ELK4: variants seen among roughly 807,000 people sequenced by gnomAD.
The protein encoded by ELK4 is ETS domain-containing protein Elk-4.
ELK4 carries 16 observed loss-of-function variants against 29.6 expected under a neutral mutation model. The observed-to-expected ratio is 0.54, with a 90% CI of 0.37 to 0.82. The LOEUF is 0.82. Among genes scored for constraint, ELK4 ranks in the 40% least tolerant of loss-of-function variants. The pLI, the probability that ELK4 is intolerant of heterozygous loss-of-function variation, is 0.00. For missense variants in ELK4, 465 were observed against 507.1 expected, an observed-to-expected ratio of 0.92 and a Z score of 0.80; for synonymous variants, 213 against 191.1, an observed-to-expected ratio of 1.11 and a Z score of -0.95.
Position 205,615,270 on chromosome 1 carries a change from A to G in ELK4, c.*1276T>C, listed in dbSNP as rs140299092. 0.057 allele frequency: 9,264 copies of G among 162,312 alleles called. 353 individuals carry two copies. Among genetic ancestry groups the G allele is most frequent in the Non-Finnish European group, 0.084 (6,214 of 74,022 alleles). 10.1% of individuals were successfully genotyped at this position (162,312 alleles called of 1,614,324 possible). A position where few individuals can be genotyped will look rare whatever the true frequency, so the allele number is the denominator to read the frequency against. ...GCCAGGCGTAGTGGCGCATGCCTGT[A>G]GTCCCAGCTACTCAGGAGGCTGAGG... On this transcript the variant is annotated 3_prime_UTR_variant, in exon 5 of 5. Coordinates refer to ENST00000357992, the MANE Select transcript of ELK4 (RefSeq NM_001973.4).
At chr1:205,617,077 T>C (rs931966207) in intron 4 of ELK4, among the ~76,000 whole-genome samples, 1 of 152,198 alleles carries the variant, frequency 6.6e-6, no homozygotes, top group Non-Finnish European at 1.5e-5. Context: ...GGGTTCCCCA[T>C]CAAGTATTCT....
chr1:205,610,240 C>T lies in ELK4; in HGVS notation c.*6306G>A, dbSNP rs1670132439. 4.3e-6 allele frequency: 1 copy of T among 231,714 alleles called. No homozygotes were observed. Among genetic ancestry groups the T allele is most frequent in the South Asian group, 1.8e-4 (1 of 5,520 alleles). 14.4% of individuals were successfully genotyped at this position (231,714 alleles called of 1,614,324 possible). ...TCACAATCCTTGGAAGGGAAAAGAA[C>T]CAGAAGGAGCCTTTATGAGATGGGA... On this transcript the variant is annotated 3_prime_UTR_variant, in exon 5 of 5. Coordinates refer to ENST00000357992, the MANE Select transcript of ELK4 (RefSeq NM_001973.4).
At position 205,609,434 on chromosome 1, in the gene ELK4, T is replaced by G. The variant is rs1170384889; in HGVS notation, c.*7112A>C. 1 of 192,868 alleles carries G rather than the reference T, an allele frequency of 5.2e-6. No individual in the cohort carries two copies. Among genetic ancestry groups the G allele is most frequent in the African/African-American group, 2.3e-5 (1 of 43,142 alleles). The allele number at this position is 192,868 out of a possible 1,614,324, so 11.9% of individuals were successfully genotyped here. A position where few individuals can be genotyped will look rare whatever the true frequency, so the allele number is the denominator to read the frequency against. On this transcript the variant is annotated 3_prime_UTR_variant, in exon 5 of 5. Coordinates refer to ENST00000357992, the MANE Select transcript of ELK4 (RefSeq NM_001973.4). The stretch of plus-strand genomic sequence containing the variant: ...AAAAATAAAGAAATATAATTGTGAT[T>G]AGAAAAGATCCAGGGCCAAAACAAA...
At chr1:205,631,585 G>A (rs1466429484) in intron 1 of ELK4, 47 bp downstream of exon 1, 1 of 182,720 alleles carries the variant, frequency 5.5e-6, no homozygotes, top group Non-Finnish European at 1.1e-5. Flanking sequence ...GGCCGGTGGG[G>A]CTGTGGCCGC....
intron 3 of ELK4, 174 bp from the exon 4 acceptor site, chr1:205,619,247 G>A (rs1670286201): frequency 9.4e-7 from 1 of 1,059,272 alleles, no homozygotes; most frequent in Non-Finnish European, 1.2e-6. Context: ...AACTAAGAGG[G>A]ATAAAGGTGA....
At chr1:205,618,019 G>A (rs28629959) in intron 4 of ELK4, among the ~76,000 whole-genome samples, 12 of 151,466 alleles carry the variant, frequency 7.9e-5, no homozygotes, top group South Asian at 4.2e-4. Flanking sequence ...GAGAGAGAGT[G>A]TGTGTGTGTG....
rs116507431 is a variant in ELK4, at chr1:205,618,546, G to A, written c.1197+411C>T. Among the ~76,000 whole-genome samples, 1,108 of 152,294 alleles carry A rather than the reference G, an allele frequency of 7.3e-3. 22 individuals carry two copies. Among genetic ancestry groups the A allele is most frequent in the African/African-American group, 0.025 (1,045 of 41,566 alleles). ...AAATCTAAAGAATATTCATTGGGCA[G>A]GGCACAATGGCTCATGCCTGTAATC... On this transcript the variant is annotated intron_variant, in intron 4 of 4. Coordinates refer to ENST00000357992, the MANE Select transcript of ELK4 (RefSeq NM_001973.4).
Position 205,620,718 on chromosome 1 carries a change from A to C in ELK4, c.328T>G (p.Phe110Val). 1 of 1,614,070 alleles carries C rather than the reference A, an allele frequency of 6.2e-7. No individual in the cohort carries two copies. Among genetic ancestry groups the C allele is most frequent in the Non-Finnish European group, 8.5e-7 (1 of 1,180,016 alleles). The change falls in exon 3 of 5, where the codon TTC (phenylalanine) becomes GTC (valine). Residue 110 changes from phenylalanine (F) to valine (V), a missense_variant. Transcript: ENST00000357992. ...TTGGAACTGCTGCTGACTTCACTGAAGTTTAAACTTTCACAGTCACCCTCA... is the reference window on the plus strand; with the variant it reads ...TTGGAACTGCTGCTGACTTCACTGACGTTTAAACTTTCACAGTCACCCTCA... ...RIEGDCESLNFSEVSSSSKDV... is the reference protein window; with the variant it reads ...RIEGDCESLNVSEVSSSSKDV...
rs1571499001 is a variant in ELK4, at chr1:205,620,245, T to G, written c.801A>C (p.Thr267=). The stretch of plus-strand genomic sequence containing the variant: ...GGTGAGAACTCAGTGGTGGTGAAGG[T>G]GTTCTGGGAGGTTCCTGCAAAGGGG... ...SIPPLQEPPR[T]PSPPLSSHPD... Residue 267 remains threonine, a synonymous_variant, in exon 3 of 5, where the codon ACA becomes ACC. Transcript: ENST00000357992. The G allele has an allele frequency of 1.9e-6, 3 of 1,614,060 alleles. No individual in the cohort carries two copies. The East Asian group carries it at 6.7e-5, about 36-fold the overall frequency.
At chr1:205,619,329 T>C (rs947883592) in intron 3 of ELK4, 13 of 1,071,390 alleles carry the variant, frequency 1.2e-5, no homozygotes, top group East Asian at 5.1e-5. Flanking sequence ...TTTGGTTACA[T>C]GGATGAGTTC....
chr1:205,622,537 T>G (rs957254904), intron 2 of ELK4, among the ~76,000 whole-genome samples: 3 of 151,952 alleles, frequency 2.0e-5, no homozygotes, highest in Admixed American at 6.5e-5. Context: ...GGACTACAGG[T>G]GTACACCACC....
intron 2 of ELK4, 148 bp from the exon 3 acceptor site, chr1:205,620,986 G>T: frequency 1.1e-6 from 1 of 900,706 alleles, no homozygotes; most frequent in South Asian, 1.8e-5. Context: ...CACGAGGTCA[G>T]GAGATTGAGA....
rs894846823 is a variant in ELK4, at chr1:205,631,949, C to T, written c.-327G>A. On this transcript the variant is annotated 5_prime_UTR_variant, in exon 1 of 5. Coordinates refer to ENST00000357992, the MANE Select transcript of ELK4 (RefSeq NM_001973.4). The stretch of plus-strand genomic sequence containing the variant: ...CCTTGCAGCGGCGGGGCCTGCCAGG[C>T]CCTCCGCGGCCGCCGCCACTCTCAA... 4.6e-5 allele frequency: 7 copies of T among 150,550 alleles called. No homozygotes were observed. The highest frequency in any genetic ancestry group is 2.1e-4 in the South Asian group (1 of 4,810). 9.3% of individuals were successfully genotyped at this position (150,550 alleles called of 1,614,324 possible). A position where few individuals can be genotyped will look rare whatever the true frequency, so the allele number is the denominator to read the frequency against.
intron 4 of ELK4, among the ~76,000 whole-genome samples, chr1:205,618,053 T>G (rs1035629559): frequency 6.6e-6 from 1 of 151,722 alleles, no homozygotes; most frequent in Non-Finnish European, 1.5e-5. Context: ...TGAGACAAGG[T>G]CTCACTGTGT....
rs1182736778 is a variant in ELK4 at position 205,623,683 on chromosome 1, T to C, written c.200A>G (p.Tyr67Cys). ...DKLSRALRYYYVKNIIKKVNG... is the reference protein window; with the variant it reads ...DKLSRALRYYCVKNIIKKVNG... Reference sequence around the variant, plus strand: ...GATCAGGATGTGTACTACCTTTACATAATAGTATCTGAGGGCTCGGCTGAG... The same window carrying C: ...GATCAGGATGTGTACTACCTTTACACAATAGTATCTGAGGGCTCGGCTGAG... The change falls in exon 2 of 5, where the codon TAT becomes TGT. Residue 67 changes from tyrosine (Y) to cysteine (C), a missense_variant. This residue lies in a region of ELK4 where 385 missense variants were observed against 387.5 expected (regional missense o/e 0.99). Transcript: ENST00000357992. 1.2e-6 allele frequency: 2 copies of C among 1,614,090 alleles called. No homozygotes were observed. Among genetic ancestry groups the C allele is most frequent in the Non-Finnish European group, 1.7e-6 (2 of 1,180,004 alleles).
intron 2 of ELK4, 99 bp downstream of exon 2, chr1:205,623,577 A>G: frequency 7.3e-7 from 1 of 1,371,016 alleles, no homozygotes; most frequent in South Asian, 1.3e-5. Flanking sequence ...GGCCTCCCAA[A>G]GTGCTGGGAT....
At position 205,619,757 on chromosome 1, in the gene ELK4, G is replaced by C. The variant is rs1670297563; in HGVS notation, c.1080+209C>G. 5 of 1,499,566 alleles carry C rather than the reference G, an allele frequency of 3.3e-6. No homozygotes were observed. The South Asian group carries it at 7.2e-5, about 22-fold the overall frequency. The allele number at this position is 1,499,566 out of a possible 1,614,324, so 92.9% of individuals were successfully genotyped here. On this transcript the variant is annotated intron_variant, in intron 3 of 4. Coordinates refer to ENST00000357992, the MANE Select transcript of ELK4 (RefSeq NM_001973.4). ...AATATTTATTTACTTGTAGAACAATGAATTTTTTAAGAAAATACTCCAAAC... is the reference window on the plus strand; with the variant it reads ...AATATTTATTTACTTGTAGAACAATCAATTTTTTAAGAAAATACTCCAAAC...
intron 1 of ELK4, among the ~76,000 whole-genome samples, chr1:205,627,737 C>G (rs937385513): frequency 6.6e-6 from 1 of 152,160 alleles, no homozygotes; most frequent in South Asian, 2.1e-4. Flanking sequence ...GTCAACTATA[C>G]CTACTTCCAA....
Position 205,612,377 on chromosome 1 carries a change from T to A in ELK4, c.*4169A>T. On this transcript the variant is annotated 3_prime_UTR_variant, in exon 5 of 5. Coordinates refer to ENST00000357992, the MANE Select transcript of ELK4 (RefSeq NM_001973.4). ...CAACTGGGGTGTGGGAAGAAAATACTATAACTGCTACTCAAGAATTACTTT... is the reference window on the plus strand; with the variant it reads ...CAACTGGGGTGTGGGAAGAAAATACAATAACTGCTACTCAAGAATTACTTT... The A allele has an allele frequency of 4.6e-6, 1 of 217,762 alleles. No homozygotes were observed. The highest frequency in any genetic ancestry group is 1.4e-3 in the Middle Eastern group (1 of 702). 13.5% of individuals were successfully genotyped at this position (217,762 alleles called of 1,614,324 possible).
Sources: allele counts gnomAD v4.1 joint callset (sites outside exome capture counted in the v4.1 genomes callset), GRCh38; gene constraint gnomAD v4.1.1; regional missense constraint gnomAD v4.1.1; transcripts MANE v1.5; gene names NCBI Gene and HGNC (gene_info 2026-07-23, HGNC 2026-07-21).